Variants in PRPSAP2 observed in about 807,000 individuals in gnomAD.
PRPSAP2 encodes the protein phosphoribosyl pyrophosphate synthase-associated protein 2.
In PRPSAP2, 24 loss-of-function variants were observed where a neutral mutation model predicts 40.6. The ratio of observed to expected loss-of-function variants is 0.59; its 90% CI spans 0.43 to 0.83. The LOEUF (loss-of-function observed/expected upper bound fraction) is 0.83, where lower values mean the gene tolerates loss of function less well. Ranked by LOEUF, PRPSAP2 falls within the 40% of genes least tolerant of loss-of-function variation. PRPSAP2 has a pLI of 0.00. For missense variants in PRPSAP2, 292 were observed against 465.6 expected (o/e 0.63, Z 3.43); for synonymous variants, 149 against 164.7 (o/e 0.90, Z 0.73).
At chr17:18,900,815 G>T (rs941736626) in intron 8 of PRPSAP2, among the ~76,000 whole-genome samples, 2 of 152,216 alleles carry the variant, frequency 1.3e-5, no homozygotes, top group South Asian at 4.1e-4. Context: ...CTCATTGGGT[G>T]GTGGTGGAAT....
At chr17:18,896,019 C>G (rs1019301727) in intron 8 of PRPSAP2, among the ~76,000 whole-genome samples, 1 of 152,072 alleles carries the variant, frequency 6.6e-6, no homozygotes, top group Admixed American at 6.6e-5. Context: ...ATCTTCCTGC[C>G]TTGGGCCTCC....
chr17:18,884,006 C>T (rs150416556), intron 7 of PRPSAP2, among the ~76,000 whole-genome samples: 252 of 152,074 alleles, frequency 1.7e-3, no homozygotes, highest in African/African-American at 5.9e-3. Flanking sequence ...CAGTGGCTCA[C>T]GCCTATAATC....
chr17:18,920,016 C>A (rs562825036), intron 9 of PRPSAP2, among the ~76,000 whole-genome samples: 1 of 152,258 alleles, frequency 6.6e-6, no homozygotes, highest in African/African-American at 2.4e-5. Context: ...CGTGCCCAGG[C>A]TGTTGGTGCT....
intron 8 of PRPSAP2, among the ~76,000 whole-genome samples, chr17:18,905,675 G>A (rs896987733): frequency 5.9e-5 from 9 of 151,982 alleles, no homozygotes; most frequent in Non-Finnish European, 1.0e-4. Flanking sequence ...CGCCTCCCGG[G>A]TTCAAGTGAT....
intron 8 of PRPSAP2, 117 bp downstream of exon 8, chr17:18,889,994 T>C: frequency 1.4e-6 from 1 of 736,634 alleles, no homozygotes; most frequent in South Asian, 2.8e-5. Context: ...CTTATTTTTC[T>C]TCCATGGACT....
At chr17:18,902,178 A>G (rs2040309398) in intron 8 of PRPSAP2, among the ~76,000 whole-genome samples, 1 of 152,134 alleles carries the variant, frequency 6.6e-6, no homozygotes, top group Admixed American at 6.6e-5. Flanking sequence ...AGTAACCTCT[A>G]GAGTCCTCAG....
At chr17:18,912,788 G>A (rs1483735546) in intron 9 of PRPSAP2, among the ~76,000 whole-genome samples, 1 of 152,170 alleles carries the variant, frequency 6.6e-6, no homozygotes, top group Non-Finnish European at 1.5e-5. Context: ...TAGTCCCAGC[G>A]TTTTGGGTAG....
intron 9 of PRPSAP2, among the ~76,000 whole-genome samples, chr17:18,914,928 T>C (rs953125608): frequency 2.0e-5 from 3 of 152,094 alleles, no homozygotes; most frequent in Admixed American, 2.0e-4. Flanking sequence ...TTCCACCATG[T>C]TGGCCAGGTT....
intron 8 of PRPSAP2, chr17:18,908,985 T>A (rs1286677860): frequency 2.6e-5 from 7 of 264,712 alleles, no homozygotes; most frequent in Non-Finnish European, 5.3e-5. Flanking sequence ...TATAAAGAAC[T>A]GAATTCAACA....
intron 9 of PRPSAP2, among the ~76,000 whole-genome samples, chr17:18,919,096 T>C (rs1043976743): frequency 6.6e-6 from 1 of 152,170 alleles, no homozygotes; most frequent in African/African-American, 2.4e-5. Flanking sequence ...CCAGGTACTT[T>C]GGCGCACTCC....
rs374838258 is a variant in PRPSAP2, at chr17:18,879,506, T to G, written c.412+1636T>G. Among the ~76,000 whole-genome samples, 32 of 152,136 alleles carry G rather than the reference T, an allele frequency of 2.1e-4. No individual in the cohort carries two copies. In the East Asian group the frequency reaches 6.3e-3, roughly 30 times the overall value. On this transcript the variant is annotated intron_variant, in intron 6 of 11. Transcript: ENST00000268835. ...GTCTCACCTGTCATCCAGGCTGGAGTGCAGTAGCGTGATCTCGGCTCACCG... is the reference window on the plus strand; with the variant it reads ...GTCTCACCTGTCATCCAGGCTGGAGGGCAGTAGCGTGATCTCGGCTCACCG...
In PRPSAP2 at chr17:18,872,645, T is replaced by C. The variant is rs764976325; in HGVS notation, c.235T>C (p.Ser79Pro). Residue 79 changes from serine to proline, a missense_variant, in exon 5 of 12, where the codon TCG becomes CCG. Ser to Pro is a moderately conservative substitution (Grantham distance 74). Around this residue, in one of 2 missense-constraint regions of PRPSAP2, gnomAD observed 241 missense variants for 425.7 expected, o/e 0.57. Transcript: ENST00000268835. The part of the protein sequence containing the change: ...GKDVFIIQTV[S>P]KDVNTTIMEL... ...AGATGTTTTCATCATCCAAACTGTT[T>C]CGAAGTGAGTATCCAGCAAAAGTGT... 1 of 1,588,236 alleles carries C rather than the reference T, an allele frequency of 6.3e-7. No individual in the cohort carries two copies. The highest frequency in any genetic ancestry group is 8.6e-7 in the Non-Finnish European group (1 of 1,156,834).
At chr17:18,917,597 T>TTA (rs2041435939) in intron 9 of PRPSAP2, 1 of 111,594 alleles carries the variant, frequency 9.0e-6, no homozygotes, top group Admixed American at 9.2e-5. Flanking sequence ...TTTTTTTTTT[T>TTA]TTTTTTTTTT....
At chr17:18,902,362 C>T (rs542235655) in intron 8 of PRPSAP2, among the ~76,000 whole-genome samples, 27 of 152,224 alleles carry the variant, frequency 1.8e-4, no homozygotes, top group African/African-American at 4.1e-4. Flanking sequence ...GCATGTGTAG[C>T]GTCAGATGTT....
chr17:18,912,242 G>C (rs750338515), intron 9 of PRPSAP2, among the ~76,000 whole-genome samples: 1 of 151,906 alleles, frequency 6.6e-6, no homozygotes, highest in African/African-American at 2.4e-5. Context: ...CCTGTTCCTC[G>C]TAGATGGTAC....
At chr17:18,919,237 A>G (rs2151965682) in intron 9 of PRPSAP2, among the ~76,000 whole-genome samples, 1 of 152,210 alleles carries the variant, frequency 6.6e-6, no homozygotes, top group Admixed American at 6.5e-5. Flanking sequence ...GGCTGGGCGC[A>G]GTGGCTCACA....
At chr17:18,869,865 T>TGTGTGTGA (rs745428673) in intron 4 of PRPSAP2, among the ~76,000 whole-genome samples, 3 of 147,772 alleles carry the variant, frequency 2.0e-5, no homozygotes, top group Middle Eastern at 3.2e-3. Context: ...TGTGTGTGTG[T>TGTGTGTGA]GAGACAGAGT....
chr17:18,928,322 A>G (rs757653204), intron 10 of PRPSAP2: 23 of 177,880 alleles, frequency 1.3e-4, no homozygotes, highest in Non-Finnish European at 2.6e-4. Context: ...AACATGTAAA[A>G]AAACATATTT....
Position 18,905,591 on chromosome 17 carries a change from T to C in PRPSAP2, c.585-5512T>C, listed in dbSNP as rs144937410. 4.6e-3 allele frequency among the ~76,000 whole-genome samples: 707 copies of C among 152,246 alleles called. 4 individuals carry two copies. Among genetic ancestry groups the C allele is most frequent in the Admixed American group, 0.01 (159 of 15,282 alleles). On this transcript the variant is annotated intron_variant, in intron 8 of 11. Transcript: ENST00000268835. ...TTTTTTTCTCTTGAGAATTTTTTTT[T>C]TTTTTGAGACGGAGTTTCGCTCTTG...
Sources: gnomAD v4.1 joint callset for allele counts (sites outside exome capture counted in the v4.1 genomes callset) on GRCh38, gnomAD v4.1.1 for gene constraint, gnomAD v4.1.1 regional missense constraint, MANE v1.5 for transcripts, NCBI Gene and HGNC (gene_info 2026-07-23, HGNC 2026-07-21) for gene names.